The following BCAS3 variants were observed in gnomAD, a reference collection of about 807,000 sequenced individuals.
BCAS3 encodes the protein BCAS3 microtubule associated cell migration factor, also known as BCAS4/BCAS3 fusion.
BCAS3 carries 53 observed loss-of-function variants against 116.1 expected under a neutral mutation model. That is an observed-to-expected ratio of 0.46 (90% CI 0.37 to 0.57). The LOEUF (loss-of-function observed/expected upper bound fraction) is 0.57, where lower values mean the gene tolerates loss of function less well. Among genes scored for constraint, BCAS3 ranks in the 20% least tolerant of loss-of-function variants. The pLI is 0.00. For synonymous variants in BCAS3, 391 were observed against 408.2 expected, an observed-to-expected ratio of 0.96 and a Z score of 0.51; for missense variants, 917 against 1,165.4, an observed-to-expected ratio of 0.79 and a Z score of 3.10.
In BCAS3 at chr17:61,285,259, T is replaced by TGTGTGTGTGTGTGTG. The variant is rs1555807771; in HGVS notation, c.2426-83068_2426-83067insGTGTGTGTGTGTGTG. ...TGTGTGTGTGTGTGTGTGTGTGTGT[T>TGTGTGTGTGTGTGTG]TCTTGCTAAAATGCAGCAAAGGAAG... On this transcript the variant is annotated intron_variant, in intron 22 of 23. Transcript: ENST00000407086. The surrounding 1 kb of genome is among the most constrained non-coding windows in gnomAD (Gnocchi z 5.4). 9.3e-5 allele frequency among the ~76,000 whole-genome samples: 12 copies of TGTGTGTGTGTGTGTG among 128,998 alleles called. No homozygotes were observed. The highest frequency in any genetic ancestry group is 4.2e-4 in the African/African-American group (12 of 28,778). The allele number at this position is 128,998 out of a possible 152,430, so 84.6% of individuals were successfully genotyped here.
chr17:61,134,377 C>T lies in BCAS3; in HGVS notation c.2425+49813C>T, dbSNP rs1019047713. On this transcript the variant is annotated intron_variant, in intron 22 of 23. Coordinates refer to ENST00000407086, the MANE Select transcript of BCAS3 (RefSeq NM_017679.5). This position sits in a 1 kb window ranked among gnomAD's most constrained non-coding sequence, Gnocchi z 4.6. The stretch of plus-strand genomic sequence containing the variant: ...GGAAATTGAGGTCTTGTGAAAGTAA[C>T]GTGCCTGGATTGACACAGTAAGCTG... Among the ~76,000 whole-genome samples, 5 of 152,118 alleles carry T rather than the reference C, an allele frequency of 3.3e-5. No homozygotes were observed. Among genetic ancestry groups the T allele is most frequent in the Admixed American group, 1.3e-4 (2 of 15,276 alleles).
At chr17:60,755,376 A>G (rs1400610156) in intron 6 of BCAS3, among the ~76,000 whole-genome samples, 2 of 152,200 alleles carry the variant, frequency 1.3e-5, no homozygotes, top group African/African-American at 4.8e-5. Context: ...GGTGAGTACC[A>G]TTATCCTAAT....
chr17:61,011,031 G>A (rs1057216362), intron 15 of BCAS3, among the ~76,000 whole-genome samples: 2 of 151,936 alleles, frequency 1.3e-5, no homozygotes, highest in African/African-American at 4.8e-5. Context: ...CTCTTAGCTG[G>A]AATTTGAAAG....
At position 60,764,409 on chromosome 17, in the gene BCAS3, T is replaced by C. The variant is rs577938659; in HGVS notation, c.403+17130T>C. ...TTGTATGTTGTGTCTTTGTTCTCAC[T>C]AGTTTCAAAGAACATCTTTATTTCT... On this transcript the variant is annotated intron_variant, in intron 6 of 23. Transcript: ENST00000407086. Among the ~76,000 whole-genome samples the C allele has an allele frequency of 2.0e-5, 3 of 152,340 alleles. No homozygotes were observed. In the South Asian group the frequency reaches 6.2e-4, roughly 32 times the overall value.
At chr17:60,829,628 T>C (rs936758615) in intron 7 of BCAS3, among the ~76,000 whole-genome samples, 5 of 152,194 alleles carry the variant, frequency 3.3e-5, no homozygotes, top group Non-Finnish European at 5.9e-5. Flanking sequence ...TCTATATTGC[T>C]TTTGGTGTAC....
At chr17:61,080,295 A>G (rs1252965408) in intron 21 of BCAS3, among the ~76,000 whole-genome samples, 4 of 152,182 alleles carry the variant, frequency 2.6e-5, no homozygotes, top group Non-Finnish European at 5.9e-5. Context: ...TGCCACATCT[A>G]ATTCTTCACC....
At chr17:60,926,370 T>G (rs1938401745) in intron 13 of BCAS3, among the ~76,000 whole-genome samples, 1 of 152,146 alleles carries the variant, frequency 6.6e-6, no homozygotes, top group Non-Finnish European at 1.5e-5. Context: ...AAGCCAATCC[T>G]TTTCCCCTTC....
intron 14 of BCAS3, among the ~76,000 whole-genome samples, chr17:60,985,697 C>T (rs1489379863): frequency 6.6e-6 from 1 of 152,044 alleles, no homozygotes; most frequent in Non-Finnish European, 1.5e-5. Flanking sequence ...CTCTCGTAAA[C>T]ATCCTTCTAC....
At position 61,392,179 on chromosome 17, in the gene BCAS3, A is replaced by T; in HGVS notation, c.*54A>T. 1 of 1,578,726 alleles carries T rather than the reference A, an allele frequency of 6.3e-7. No individual in the cohort carries two copies. Among genetic ancestry groups the T allele is most frequent in the Non-Finnish European group, 8.6e-7 (1 of 1,156,438 alleles). On this transcript the variant is annotated 3_prime_UTR_variant, in exon 24 of 24. Coordinates refer to ENST00000407086, the MANE Select transcript of BCAS3 (RefSeq NM_017679.5). This position sits in a 1 kb window ranked among gnomAD's most constrained non-coding sequence, Gnocchi z 6.4. Reference sequence around the variant, plus strand: ...GCCCCCTCCCCTGCTGGAGGAGGGGAGAAGCCCCGCTCTGGTCCTACCCTT... The same window carrying T: ...GCCCCCTCCCCTGCTGGAGGAGGGGTGAAGCCCCGCTCTGGTCCTACCCTT...
At chr17:60,932,932 T>C (rs1284335910) in intron 13 of BCAS3, among the ~76,000 whole-genome samples, 1 of 151,962 alleles carries the variant, frequency 6.6e-6, no homozygotes, top group Non-Finnish European at 1.5e-5. Context: ...CCCAACACTT[T>C]GGGAGGCCGA....
chr17:61,187,475 AG>A (rs1568534937), intron 22 of BCAS3, among the ~76,000 whole-genome samples: 1 of 152,230 alleles, frequency 6.6e-6, no homozygotes, highest in Non-Finnish European at 1.5e-5. Flanking sequence ...TATACTTAAA[AG>A]TTTTTCCTTC....
intron 22 of BCAS3, among the ~76,000 whole-genome samples, chr17:61,159,863 A>G (rs2078063705): frequency 6.6e-6 from 1 of 152,214 alleles, no homozygotes; most frequent in Non-Finnish European, 1.5e-5. Context: ...CAGTCCTAGA[A>G]CAGATAAGTT....
intron 22 of BCAS3, among the ~76,000 whole-genome samples, chr17:61,308,560 A>G (rs969764967): frequency 6.6e-6 from 1 of 152,056 alleles, no homozygotes; most frequent in African/African-American, 2.4e-5. Context: ...GGTGAGTAAG[A>G]CAAAAGGCAG....
chr17:60,989,637 G>C (rs1273485734), intron 14 of BCAS3, among the ~76,000 whole-genome samples: 1 of 152,142 alleles, frequency 6.6e-6, no homozygotes, highest in East Asian at 1.9e-4. Context: ...AGATACATGA[G>C]CCACTGCAGA....
intron 6 of BCAS3, among the ~76,000 whole-genome samples, chr17:60,785,667 T>G (rs1418090737): frequency 6.6e-6 from 1 of 152,212 alleles, no homozygotes; most frequent in Non-Finnish European, 1.5e-5. Context: ...TGAAGGAATT[T>G]ACATGAAGTA....
chr17:61,136,645 T>C lies in BCAS3; in HGVS notation c.2425+52081T>C, dbSNP rs1177496402. Reference sequence around the variant, plus strand: ...CGCGATCTCAGCTCACTGCAACCTCTGCCTCCCAGGTTCAAGCAATTCTTA... The same window carrying C: ...CGCGATCTCAGCTCACTGCAACCTCCGCCTCCCAGGTTCAAGCAATTCTTA... On this transcript the variant is annotated intron_variant, in intron 22 of 23. Coordinates refer to ENST00000407086, the MANE Select transcript of BCAS3 (RefSeq NM_017679.5). This position sits in a 1 kb window ranked among gnomAD's most constrained non-coding sequence, Gnocchi z 4.4. Among the ~76,000 whole-genome samples the C allele has an allele frequency of 6.6e-6, 1 of 152,198 alleles. No individual in the cohort carries two copies. Among genetic ancestry groups the C allele is most frequent in the East Asian group, 1.9e-4 (1 of 5,192 alleles).
At chr17:60,983,739 A>G (rs1027079307) in intron 14 of BCAS3, among the ~76,000 whole-genome samples, 3 of 152,344 alleles carry the variant, frequency 2.0e-5, no homozygotes, top group South Asian at 4.1e-4. Flanking sequence ...GTTAGATAAC[A>G]TAGTTCAATT....
chr17:60,903,503 T>C (rs2058029139), intron 11 of BCAS3, among the ~76,000 whole-genome samples: 1 of 152,230 alleles, frequency 6.6e-6, no homozygotes, highest in African/African-American at 2.4e-5. Context: ...TTCAGAAATC[T>C]TTTTTCTTTT....
intron 22 of BCAS3, among the ~76,000 whole-genome samples, chr17:61,216,121 T>C (rs757488574): frequency 1.3e-5 from 2 of 152,238 alleles, no homozygotes; most frequent in Admixed American, 6.5e-5. Flanking sequence ...TTTGGAGAGA[T>C]AGCACTGTTT....
Sources: gnomAD v4.1 joint callset for allele counts (sites outside exome capture counted in the v4.1 genomes callset) on GRCh38, gnomAD v4.1.1 for gene constraint, Gnocchi (gnomAD v3.1) non-coding constraint, MANE v1.5 for transcripts, NCBI Gene and HGNC (gene_info 2026-07-23, HGNC 2026-07-21) for gene names.